The following NELFE variants were observed in gnomAD, a reference collection of about 807,000 sequenced individuals.
The protein encoded by NELFE is negative elongation factor E.
A neutral mutation model predicts 55.5 loss-of-function variants in NELFE; 26 were observed. The ratio of observed to expected loss-of-function variants is 0.47; its 90% CI spans 0.34 to 0.65. NELFE has a LOEUF of 0.65. NELFE is among the 30% of genes least tolerant of loss of function. The pLI is 0.01. For synonymous variants in NELFE, 162 were observed against 178.0 expected (o/e 0.91, Z 0.72); for missense variants, 403 against 506.9 (o/e 0.80, Z 1.97).
intron 2 of NELFE, among the ~76,000 whole-genome samples, chr6:31,957,650 G>A (rs1772173485): frequency 1.3e-5 from 2 of 152,238 alleles, no homozygotes. Flanking sequence ...TGCATCTTTT[G>A]GAAGTAGTGA....
chr6:31,955,450 T>TTA (rs1772022016), intron 4 of NELFE, among the ~76,000 whole-genome samples, 157 bp from the exon 5 acceptor site: 1 of 142,474 alleles, frequency 7.0e-6, no homozygotes, highest in Admixed American at 7.0e-5. Context: ...TTTTACTTAT[T>TTA]TTTTTTTTTT....
chr6:31,952,666 C>A (rs1375913211), intron 10 of NELFE, among the ~76,000 whole-genome samples: 2 of 152,236 alleles, frequency 1.3e-5, no homozygotes, highest in Non-Finnish European at 2.9e-5. Flanking sequence ...TATTAACCCA[C>A]TACTTACAGT....
At chr6:31,958,265 C>T in intron 2 of NELFE, 107 bp downstream of exon 2, 1 of 985,238 alleles carries the variant, frequency 1.0e-6, no homozygotes, top group Middle Eastern at 2.1e-4. Context: ...TGATATGTCT[C>T]TAGGTATGGG....
chr6:31,957,985 G>GT (rs1476290239), intron 2 of NELFE, among the ~76,000 whole-genome samples: 1 of 152,240 alleles, frequency 6.6e-6, no homozygotes, highest in South Asian at 2.1e-4. Flanking sequence ...GGAAGTCAGA[G>GT]TTTTGAGTCC....
chr6:31,956,219 G>A lies in NELFE; in HGVS notation c.291+474C>T, dbSNP rs570522772. ...GCTGGGATTACAGGTGTGAGCCACC[G>A]CGCCCGGCCTCACACCCTGCTGATT... is the stretch of plus-strand genomic sequence containing the variant. On this transcript the variant is annotated intron_variant, in intron 4 of 10. Coordinates refer to ENST00000375429, the MANE Select transcript of NELFE (RefSeq NM_002904.6). Among the ~76,000 whole-genome samples the A allele has an allele frequency of 7.9e-5, 12 of 151,978 alleles. No homozygotes were observed. The East Asian group carries it at 1.7e-3, about 22-fold the overall frequency.
At chr6:31,955,626 T>G (rs1345770742) in intron 4 of NELFE, among the ~76,000 whole-genome samples, 1 of 150,684 alleles carries the variant, frequency 6.6e-6, no homozygotes, top group African/African-American at 2.4e-5. Context: ...TTTCTGTATT[T>G]TTTTTTTTTT....
In NELFE at chr6:31,956,819, G is replaced by T; in HGVS notation, c.165C>A (p.Val55=). ...GVKRSLSEQP[V]MDTATATEQA... ...GCTCTGTTGCTGTGGCTGTGTCCATGACAGGCTGCTCTGATAGTGCTGGAG... is the reference window on the plus strand; with the variant it reads ...GCTCTGTTGCTGTGGCTGTGTCCATTACAGGCTGCTCTGATAGTGCTGGAG... Residue 55 remains valine (V), a synonymous_variant, in exon 4 of 11, where the codon GTC becomes GTA. Coordinates refer to ENST00000375429, the MANE Select transcript of NELFE (RefSeq NM_002904.6). 1 of 1,613,046 alleles carries T rather than the reference G, an allele frequency of 6.2e-7. No individual in the cohort carries two copies. The highest frequency in any genetic ancestry group is 8.5e-7 in the Non-Finnish European group (1 of 1,180,030).
chr6:31,952,427 G>T (rs764378214), intron 10 of NELFE, 29 bp from the exon 11 acceptor site: 2 of 1,528,236 alleles, frequency 1.3e-6, no homozygotes, highest in East Asian at 2.2e-5. Flanking sequence ...AACAGTTAAG[G>T]TCTAAAGGAG....
In NELFE at chr6:31,954,084, G is replaced by T; in HGVS notation, c.938C>A (p.Ala313Asp). The T allele has an allele frequency of 1.2e-6, 2 of 1,613,674 alleles. No homozygotes were observed. Among genetic ancestry groups the T allele is most frequent in the Non-Finnish European group, 8.5e-7 (1 of 1,179,968 alleles). Reference protein sequence around the residue: ...EKMESADQAVAELNGTQVESV... With the variant: ...EKMESADQAVDELNGTQVESV... The stretch of plus-strand genomic sequence containing the variant: ...ACAGATTTGGGAAGTTCCAACCTCA[G>T]CAACGGCCTGATCTGCTGACTCCAT... The change falls in exon 9 of 11, where the codon GCT becomes GAT. Residue 313 changes from alanine (A) to aspartate (D), a missense_variant. Ala to Asp is a moderately radical substitution (Grantham distance 126, BLOSUM62 -2). Transcript: ENST00000375429. This position sits in a 1 kb window ranked among gnomAD's most constrained non-coding sequence, Gnocchi z 5.5.
chr6:31,954,665 T>C lies in NELFE; in HGVS notation c.632A>G (p.Asp211Gly). The C allele has an allele frequency of 1.3e-6, 2 of 1,575,340 alleles. No homozygotes were observed. The highest frequency in any genetic ancestry group is 4.6e-5 in the East Asian group (2 of 43,834). ...DRERDRDRDR[D>G]RDRERDRDRD... is the part of the protein sequence containing the mutation. ...ATCCCTGTCCCGCTCTCTGTCTCTG[T>C]CTCGATCCCGGTCTCGATCCCGCTC... is the stretch of plus-strand genomic sequence containing the variant. The change falls in exon 7 of 11, where the codon GAC becomes GGC. Residue 211 changes from aspartate to glycine, a missense_variant. This residue lies in a region of NELFE where 229 missense variants were observed against 228.3 expected (regional missense o/e 1.00). Transcript: ENST00000375429. The surrounding 1 kb of genome is among the most constrained non-coding windows in gnomAD (Gnocchi z 5.5).
chr6:31,958,303 C>A (rs1314249325), intron 2 of NELFE, 69 bp downstream of exon 2: 4 of 1,449,938 alleles, frequency 2.8e-6, no homozygotes, highest in Non-Finnish European at 2.9e-6. Flanking sequence ...TTCGCTCACA[C>A]TCACCCCATA....
chr6:31,958,448 G>A lies in NELFE; in HGVS notation c.-2C>T, dbSNP rs1772231409. On this transcript the variant is annotated 5_prime_UTR_variant, in exon 2 of 11. Coordinates refer to ENST00000375429, the MANE Select transcript of NELFE (RefSeq NM_002904.6). ...CAGTCCGGGGGGTATCACCAACATG[G>A]TGGCTCCTAGTTCAGGGGCAGGGCC... The A allele has an allele frequency of 1.2e-6, 2 of 1,612,918 alleles. No individual in the cohort carries two copies. The highest frequency in any genetic ancestry group is 1.7e-6 in the Non-Finnish European group (2 of 1,179,920).
In NELFE at chr6:31,955,091, G is replaced by A; in HGVS notation, c.372C>T (p.Ser124=). 6.2e-7 allele frequency: 1 copy of A among 1,613,086 alleles called. No homozygotes were observed. Among genetic ancestry groups the A allele is most frequent in the Non-Finnish European group, 8.5e-7 (1 of 1,180,014 alleles). Residue 124 remains serine, a synonymous_variant, in exon 6 of 11, where the codon TCC becomes TCT. Coordinates refer to ENST00000375429, the MANE Select transcript of NELFE (RefSeq NM_002904.6). ...ACAGAGATTTCCTCTGGGGACGTCT[G>A]GATGACTGTAAAAGAGACCAAGAAC... ...ISADDDLQES[S]RRPQRKSLYE... is the part of the protein sequence containing the mutation.
rs766362173 is a variant in NELFE, at chr6:31,953,804, G to T, written c.970C>A (p.Gln324Lys). The T allele has an allele frequency of 5.0e-6, 8 of 1,612,966 alleles. No individual in the cohort carries two copies. The highest frequency in any genetic ancestry group is 6.8e-6 in the Non-Finnish European group (8 of 1,180,022). ...ELNGTQVESV[Q>K]LKVNIARKQP... Reference sequence around the variant, plus strand: ...TTTCGGGCTATGTTGACTTTGAGCTGTACAGACTCCACCTGGGTCCCGTTG... The same window carrying T: ...TTTCGGGCTATGTTGACTTTGAGCTTTACAGACTCCACCTGGGTCCCGTTG... The change falls in exon 10 of 11, where the codon CAG (glutamine) becomes AAG (lysine). Residue 324 changes from glutamine to lysine, a missense_variant. By Grantham distance (53) the Gln-to-Lys change is moderately conservative. This residue lies in a region of NELFE where 77 missense variants were observed against 123.3 expected (regional missense o/e 0.62). Transcript: ENST00000375429.
intron 10 of NELFE, among the ~76,000 whole-genome samples, chr6:31,953,273 A>G (rs1170184182): frequency 6.6e-6 from 1 of 151,638 alleles, no homozygotes; most frequent in Non-Finnish European, 1.5e-5. Flanking sequence ...GTACTCCTCA[A>G]ACTGAGTCCT....
Position 31,956,943 on chromosome 6 carries a change from C to G in NELFE, c.143G>C (p.Arg48Pro). Residue 48 changes from arginine to proline, a missense_variant and splice_region_variant, in exon 3 of 11, where the codon CGC (arginine) becomes CCC (proline). Physicochemically the swap from Arg to Pro is moderately radical, Grantham distance 103. Coordinates refer to ENST00000375429, the MANE Select transcript of NELFE (RefSeq NM_002904.6). ...TCCCCATTTCCCCTGTCACTCACAG[C>G]GTTTGACACCACCTTGGCTGGTTGT... is the stretch of plus-strand genomic sequence containing the variant. ...SSTTSQGGVK[R>P]SLSEQPVMDT... 6.2e-7 allele frequency: 1 copy of G among 1,610,498 alleles called. No homozygotes were observed. Among genetic ancestry groups the G allele is most frequent in the Non-Finnish European group, 8.5e-7 (1 of 1,177,806 alleles).
At position 31,954,481 on chromosome 6, in the gene NELFE, T is replaced by C. The variant is rs200083248; in HGVS notation, c.743-39A>G. The C allele has an allele frequency of 1.1e-5, 18 of 1,580,322 alleles. No homozygotes were observed. The highest frequency in any genetic ancestry group is 1.6e-5 in the Non-Finnish European group (18 of 1,160,798). Reference sequence around the variant, plus strand: ...AATCATAGTCACAAGACATAGACCATGCCACATTTCACTTAGTAGGACCCA... The same window carrying C: ...AATCATAGTCACAAGACATAGACCACGCCACATTTCACTTAGTAGGACCCA... On this transcript the variant is annotated intron_variant, in intron 7 of 10. Coordinates refer to ENST00000375429, the MANE Select transcript of NELFE (RefSeq NM_002904.6). This position sits in a 1 kb window ranked among gnomAD's most constrained non-coding sequence, Gnocchi z 5.5.
At position 31,954,956 on chromosome 6, in the gene NELFE, A is replaced by G; in HGVS notation, c.405-64T>C. On this transcript the variant is annotated intron_variant, in intron 6 of 10. Transcript: ENST00000375429. This position sits in a 1 kb window ranked among gnomAD's most constrained non-coding sequence, Gnocchi z 5.5. ...CCTTCTCCCCTCAGACCCTGTGGAG[A>G]CTCAATATTCCCTCTATAGCCCAGC... is the stretch of plus-strand genomic sequence containing the variant. 6.2e-7 allele frequency: 1 copy of G among 1,602,560 alleles called. No homozygotes were observed. Among genetic ancestry groups the G allele is most frequent in the East Asian group, 2.2e-5 (1 of 44,678 alleles).
At chr6:31,957,480 T>G (rs1234647952) in intron 2 of NELFE, 1 of 458,014 alleles carries the variant, frequency 2.2e-6, no homozygotes, top group Non-Finnish European at 4.4e-6. Flanking sequence ...TTATAAGAGG[T>G]GCAGATTATT....
Sources: allele counts gnomAD v4.1 joint callset (sites outside exome capture counted in the v4.1 genomes callset), GRCh38; gene constraint gnomAD v4.1.1; regional missense constraint gnomAD v4.1.1; non-coding constraint Gnocchi (gnomAD v3.1); transcripts MANE v1.5; gene names NCBI Gene and HGNC (gene_info 2026-07-23, HGNC 2026-07-21).